Variants in FMO4 observed in about 807,000 individuals in gnomAD.
The protein encoded by FMO4 is dimethylaniline monooxygenase [N-oxide-forming] 4.
Under a neutral mutation model 43.3 loss-of-function variants are expected in FMO4, and 38 were observed. The ratio of observed to expected loss-of-function variants is 0.88; its 90% CI spans 0.68 to 1.15. FMO4 has a LOEUF of 1.15. Ranked by LOEUF, FMO4 falls within the 50% of genes most tolerant of loss-of-function variation. The pLI is 0.00. For synonymous variants in FMO4, 224 were observed against 232.2 expected (o/e 0.96, Z 0.32); for missense variants, 631 against 663.3 (o/e 0.95, Z 0.54).
chr1:171,328,111 G>C (rs1473157898), intron 5 of FMO4, among the ~76,000 whole-genome samples: 4 of 152,090 alleles, frequency 2.6e-5, no homozygotes. Flanking sequence ...CATGATCTCA[G>C]CTTGCTGCGA....
chr1:171,332,863 A>G lies in FMO4; in HGVS notation c.782A>G (p.Asn261Ser). Reference sequence around the variant, plus strand: ...AACTGGATTCAAGAAAGGAAGTTGAATAAGAGATTTAATCATGAGGATTAT... The same window carrying G: ...AACTGGATTCAAGAAAGGAAGTTGAGTAAGAGATTTAATCATGAGGATTAT... ...FLNWIQERKLNKRFNHEDYGL... is the reference protein window; with the variant it reads ...FLNWIQERKLSKRFNHEDYGL... Residue 261 changes from asparagine to serine, a missense_variant, in exon 7 of 10, where the codon AAT becomes AGT. Coordinates refer to ENST00000367749, the MANE Select transcript of FMO4 (RefSeq NM_002022.3). 6.3e-7 allele frequency: 1 copy of G among 1,589,144 alleles called. No individual in the cohort carries two copies.
intron 3 of FMO4, among the ~76,000 whole-genome samples, chr1:171,322,617 C>T (rs1262162388): frequency 2.6e-5 from 4 of 152,090 alleles, no homozygotes; most frequent in East Asian, 1.9e-4. Context: ...CTTTAAGAGG[C>T]CAAGGCGGGT....
Position 171,314,423 on chromosome 1 carries a change from C to T in FMO4, c.-151+10C>T, listed in dbSNP as rs1346830960. ...CTCTATGCTAACCAAGGTAAGTGTC[C>T]TGGATTTTTTTTTTAATGGGGAAAT... On this transcript the variant is annotated intron_variant, in intron 1 of 9. Transcript: ENST00000367749. The T allele has an allele frequency of 6.6e-6, 1 of 151,334 alleles. No individual in the cohort carries two copies. The highest frequency in any genetic ancestry group is 1.5e-5 in the Non-Finnish European group (1 of 67,902). The allele number at this position is 151,334 out of a possible 1,614,324, so 9.4% of individuals were successfully genotyped here.
chr1:171,315,351 C>T (rs56205780), intron 1 of FMO4, among the ~76,000 whole-genome samples: 7 of 152,224 alleles, frequency 4.6e-5, no homozygotes, highest in African/African-American at 1.4e-4. Flanking sequence ...ATGAAGTCCA[C>T]TTTATAGTTT....
At chr1:171,333,322 C>G (rs1483692839) in intron 7 of FMO4, among the ~76,000 whole-genome samples, 2 of 152,056 alleles carry the variant, frequency 1.3e-5, no homozygotes, top group Admixed American at 6.6e-5. Context: ...CTCCTGGGCT[C>G]AAGCTATTCT....
chr1:171,337,505 C>T (rs957689586), intron 9 of FMO4, 80 bp downstream of exon 9: 2 of 965,764 alleles, frequency 2.1e-6, no homozygotes, highest in Non-Finnish European at 3.3e-6. Flanking sequence ...AAAAGCCATT[C>T]CTAGAGAAGC....
intron 5 of FMO4, among the ~76,000 whole-genome samples, chr1:171,328,321 G>A (rs1036275827): frequency 6.6e-6 from 1 of 152,130 alleles, no homozygotes; most frequent in Non-Finnish European, 1.5e-5. Flanking sequence ...GGAATTACAG[G>A]TGTGAGCCAC....
chr1:171,338,070 C>T (rs1663194963), intron 9 of FMO4, among the ~76,000 whole-genome samples: 1 of 152,092 alleles, frequency 6.6e-6, no homozygotes, highest in South Asian at 2.1e-4. Flanking sequence ...TGAAACTTTT[C>T]CCCATCTCAG....
rs1157310552 is a variant in FMO4, at chr1:171,316,325, C to T, written c.-11C>T. 6.6e-6 allele frequency: 1 copy of T among 152,132 alleles called. No homozygotes were observed. Among genetic ancestry groups the T allele is most frequent in the Non-Finnish European group, 1.5e-5 (1 of 68,028 alleles). The allele number at this position is 152,132 out of a possible 1,614,324, so 9.4% of individuals were successfully genotyped here. A position where few individuals can be genotyped will look rare whatever the true frequency, so the allele number is the denominator to read the frequency against. ...CTACTCCTCAACTCAAAGGAAAACA[C>T]AGGTATGTCTGCCTACTCCTTTCCA... On this transcript the variant is annotated splice_region_variant and 5_prime_UTR_variant, in exon 2 of 10. Transcript: ENST00000367749.
chr1:171,329,421 C>T (rs1413318101), intron 5 of FMO4, among the ~76,000 whole-genome samples: 5 of 152,160 alleles, frequency 3.3e-5, no homozygotes, highest in Non-Finnish European at 5.9e-5. Context: ...AGGGCCTCAT[C>T]GTGTGTTCAA....
chr1:171,325,660 C>T (rs1558037615), intron 5 of FMO4, among the ~76,000 whole-genome samples: 1 of 151,756 alleles, frequency 6.6e-6, no homozygotes, highest in Non-Finnish European at 1.5e-5. Flanking sequence ...CTGTACAGTA[C>T]TAAAGGAATA....
At chr1:171,330,354 G>C (rs115315831) in intron 5 of FMO4, among the ~76,000 whole-genome samples, 3,671 of 152,268 alleles carry the variant, frequency 0.024, 155 homozygotes, top group African/African-American at 0.083. Context: ...TGCTGCTGCT[G>C]TAAACACCCT....
At chr1:171,324,067 GT>G in intron 4 of FMO4, 70 bp from the exon 5 acceptor site, 1 of 1,386,984 alleles carries the variant, frequency 7.2e-7, no homozygotes, top group Non-Finnish European at 9.7e-7. Context: ...AACAGACATG[GT>G]TACCACACCA....
intron 5 of FMO4, among the ~76,000 whole-genome samples, chr1:171,330,708 C>T (rs769676465): frequency 5.5e-4 from 83 of 152,226 alleles, no homozygotes; most frequent in Non-Finnish European, 8.2e-4. Flanking sequence ...TCCCATGACA[C>T]GTGAGAATTA....
rs1226359307 is a variant in FMO4, at chr1:171,332,624, A to C, written c.628-85A>C. 9.2e-5 allele frequency: 104 copies of C among 1,126,490 alleles called. 2 individuals are homozygous for C. In the South Asian group the frequency reaches 1.3e-3, roughly 15 times the overall value. The allele number at this position is 1,126,490 out of a possible 1,614,324, so 69.8% of individuals were successfully genotyped here. A position where few individuals can be genotyped will look rare whatever the true frequency, so the allele number is the denominator to read the frequency against. ...TCTGTTGTTAAAAGACCAGACTGGA[A>C]TAAGATCATTTGAAACACACTGATG... On this transcript the variant is annotated intron_variant, in intron 6 of 9. Transcript: ENST00000367749.
At chr1:171,320,637 G>A (rs949054783) in intron 3 of FMO4, among the ~76,000 whole-genome samples, 1 of 152,162 alleles carries the variant, frequency 6.6e-6, no homozygotes, top group African/African-American at 2.4e-5. Flanking sequence ...GCTGGTTACT[G>A]GAAGTAGCAG....
At chr1:171,339,274 A>G (rs1663253673) in intron 9 of FMO4, among the ~76,000 whole-genome samples, 1 of 152,176 alleles carries the variant, frequency 6.6e-6, no homozygotes, top group Non-Finnish European at 1.5e-5. Context: ...AAATCCAAGA[A>G]CTGAAAACAT....
At chr1:171,331,374 A>C (rs1218870474) in intron 5 of FMO4, among the ~76,000 whole-genome samples, 1 of 152,178 alleles carries the variant, frequency 6.6e-6, no homozygotes, top group Non-Finnish European at 1.5e-5. Context: ...TGATTTCCTG[A>C]AGCAACTGCT....
At chr1:171,323,297 CAAAT>C in intron 4 of FMO4, 105 bp downstream of exon 4, 1 of 716,636 alleles carries the variant, frequency 1.4e-6, no homozygotes, top group Non-Finnish European at 2.3e-6. Context: ...ATTTTATCTC[CAAAT>C]AAATAGGAAG....
Sources: gnomAD v4.1 joint callset for allele counts (sites outside exome capture counted in the v4.1 genomes callset) on GRCh38, gnomAD v4.1.1 for gene constraint, MANE v1.5 for transcripts, NCBI Gene and HGNC (gene_info 2026-07-23, HGNC 2026-07-21) for gene names.